MAML2: variants seen among roughly 807,000 people sequenced by gnomAD.
The protein encoded by MAML2 is mastermind-like protein 2.
Under a neutral mutation model 96.1 loss-of-function variants are expected in MAML2, and 22 were observed. That is an observed-to-expected ratio of 0.23 (90% CI 0.16 to 0.33). The LOEUF is 0.33. Ranked by LOEUF, MAML2 falls within the 10% of genes least tolerant of loss-of-function variation. MAML2 has a pLI of 1.00. For synonymous variants in MAML2, 561 were observed against 521.3 expected, an observed-to-expected ratio of 1.08 and a Z score of -1.04; for missense variants, 1,367 against 1,392.4, an observed-to-expected ratio of 0.98 and a Z score of 0.29.
chr11:96,127,524 G>T (rs1330747059), intron 1 of MAML2, among the ~76,000 whole-genome samples: 1 of 152,192 alleles, frequency 6.6e-6, no homozygotes, highest in Non-Finnish European at 1.5e-5. Flanking sequence ...GGAAGTTAAT[G>T]AAATTATTAA....
chr11:96,171,269 G>A (rs1005113071), intron 1 of MAML2, among the ~76,000 whole-genome samples: 7 of 152,090 alleles, frequency 4.6e-5, no homozygotes, highest in Non-Finnish European at 8.8e-5. Flanking sequence ...ATTATCTAAC[G>A]GTGATATGTC....
intron 2 of MAML2, among the ~76,000 whole-genome samples, chr11:96,025,196 C>T (rs1858497039): frequency 1.3e-5 from 2 of 152,130 alleles, no homozygotes. Flanking sequence ...GGCACATACA[C>T]ACCATGGAAT....
chr11:96,063,897 A>G (rs1319746242), intron 2 of MAML2, among the ~76,000 whole-genome samples: 1 of 152,202 alleles, frequency 6.6e-6, no homozygotes, highest in Non-Finnish European at 1.5e-5. Flanking sequence ...TGTCTGCAGG[A>G]CTAGAGTTCA....
intron 2 of MAML2, among the ~76,000 whole-genome samples, chr11:96,064,655 T>C (rs1859218120): frequency 6.6e-6 from 1 of 152,244 alleles, no homozygotes; most frequent in African/African-American, 2.4e-5. Context: ...ATTCAGACTG[T>C]GGACTATACC....
chr11:96,027,858 A>G (rs1260177305), intron 2 of MAML2, among the ~76,000 whole-genome samples: 1 of 152,084 alleles, frequency 6.6e-6, no homozygotes, highest in African/African-American at 2.4e-5. Context: ...CAGCCTCCCA[A>G]GTAGCTGGGA....
intron 1 of MAML2, among the ~76,000 whole-genome samples, chr11:96,178,196 G>A (rs1011191765): frequency 6.6e-6 from 1 of 151,646 alleles, no homozygotes; most frequent in Non-Finnish European, 1.5e-5. Flanking sequence ...AGACATCCGT[G>A]GGTTTGTGCA....
chr11:96,253,688 CAT>C (rs1343200941), intron 1 of MAML2, among the ~76,000 whole-genome samples: 1 of 152,152 alleles, frequency 6.6e-6, no homozygotes, highest in Non-Finnish European at 1.5e-5. Context: ...TGTTCCAGCA[CAT>C]GTTTTAAATG....
rs568304250 is a variant in MAML2 at position 96,240,557 on chromosome 11, C to CAACAAAAAAAAAA, written c.513+100825_513+100826insTTTTTTTTTTGTT. Among the ~76,000 whole-genome samples the CAACAAAAAAAAAA allele has an allele frequency of 1.1e-3, 57 of 51,092 alleles. 4 individuals are homozygous for CAACAAAAAAAAAA. The highest frequency in any genetic ancestry group is 1.6e-3 in the Non-Finnish European group (43 of 26,114). 33.5% of individuals were successfully genotyped at this position (51,092 alleles called of 152,430 possible). ...TGGGCGACAGAGCGAGACTCCGTCT[C>CAACAAAAAAAAAA]AAAAAAAAAAAAAAAAAAAAAAAAA... is the stretch of plus-strand genomic sequence containing the variant. On this transcript the variant is annotated intron_variant, in intron 1 of 4. Transcript: ENST00000524717.
chr11:96,226,681 TACAG>T (rs1483294812), intron 1 of MAML2, among the ~76,000 whole-genome samples: 2 of 152,220 alleles, frequency 1.3e-5, no homozygotes, highest in East Asian at 3.8e-4. Context: ...ATAAGATTTT[TACAG>T]ACAGTGTCAA....
chr11:96,261,508 G>C (rs1322094197), intron 1 of MAML2, among the ~76,000 whole-genome samples: 1 of 152,166 alleles, frequency 6.6e-6, no homozygotes, highest in African/African-American at 2.4e-5. Context: ...AATTGCTTTT[G>C]TTAAGTATAT....
Position 95,979,283 on chromosome 11 carries a change from C to A in MAML2, c.3136G>T (p.Gly1046Cys), listed in dbSNP as rs752630988. 5.6e-6 allele frequency: 9 copies of A among 1,613,840 alleles called. No homozygotes were observed. Among genetic ancestry groups the A allele is most frequent in the Non-Finnish European group, 6.8e-6 (8 of 1,179,880 alleles). ...LNGQTMGPLR[G>C]LNLRPNQLST... ...AGCTGATTGGGTCTGAGATTCAGAC[C>A]CCTGAGGGGACCCATGGTTTGCCCA... The change falls in exon 5 of 5, where the codon GGT becomes TGT. Residue 1046 changes from glycine to cysteine, a missense_variant. Transcript: ENST00000524717.
At chr11:96,305,711 A>G (rs1319070938) in intron 1 of MAML2, among the ~76,000 whole-genome samples, 1 of 152,208 alleles carries the variant, frequency 6.6e-6, no homozygotes, top group Non-Finnish European at 1.5e-5. Flanking sequence ...CTATGTTAGA[A>G]AAAGTTTCCA....
intron 2 of MAML2, among the ~76,000 whole-genome samples, chr11:96,083,598 T>C (rs1157477385): frequency 2.0e-5 from 3 of 152,244 alleles, no homozygotes; most frequent in Non-Finnish European, 4.4e-5. Flanking sequence ...TGGAGGAAGG[T>C]GGAAGTGCTA....
intron 1 of MAML2, among the ~76,000 whole-genome samples, chr11:96,340,303 G>T (rs1407879881): frequency 6.6e-6 from 1 of 152,206 alleles, no homozygotes; most frequent in Non-Finnish European, 1.5e-5. Context: ...TGTCGCTTTT[G>T]CTAGGGCTGA....
intron 1 of MAML2, among the ~76,000 whole-genome samples, chr11:96,182,059 T>C (rs575888148): frequency 2.0e-5 from 3 of 152,268 alleles, no homozygotes; most frequent in South Asian, 2.1e-4. Flanking sequence ...GGAAAATGGA[T>C]TGTAAATTCA....
At chr11:96,256,387 G>A (rs1448490844) in intron 1 of MAML2, among the ~76,000 whole-genome samples, 2 of 151,994 alleles carry the variant, frequency 1.3e-5, no homozygotes, top group Admixed American at 1.3e-4. Context: ...CGCTGATCTC[G>A]AAGTTCCTCA....
At chr11:96,002,611 A>AGGAGGATGGAGATGATGATGATGATGG (rs1858099157) in intron 2 of MAML2, among the ~76,000 whole-genome samples, 1 of 151,340 alleles carries the variant, frequency 6.6e-6, no homozygotes, top group Non-Finnish European at 1.5e-5. Flanking sequence ...GATGGGGATG[A>AGGAGGATGGAGATGATGATGATGATGG]GGAGGATGGA....
chr11:96,293,516 T>C (rs534984033), intron 1 of MAML2, among the ~76,000 whole-genome samples: 2 of 152,224 alleles, frequency 1.3e-5, no homozygotes, highest in South Asian at 4.1e-4. Context: ...AAGATAACTA[T>C]AAAAATACCA....
chr11:96,152,952 G>C (rs767488796), intron 1 of MAML2, among the ~76,000 whole-genome samples: 16 of 152,136 alleles, frequency 1.1e-4, no homozygotes, highest in Non-Finnish European at 2.2e-4. Context: ...AACCAAGGAG[G>C]ACACTGCAGT....
Sources: allele counts gnomAD v4.1 joint callset (sites outside exome capture counted in the v4.1 genomes callset), GRCh38; gene constraint gnomAD v4.1.1; transcripts MANE v1.5; gene names NCBI Gene and HGNC (gene_info 2026-07-23, HGNC 2026-07-21).